Variants in CECR2 observed in about 807,000 individuals in gnomAD.
CECR2 encodes chromatin remodeling regulator CECR2.
A neutral mutation model predicts 154.5 loss-of-function variants in CECR2; 30 were observed. The ratio of observed to expected loss-of-function variants is 0.19; its 90% CI spans 0.15 to 0.26. The LOEUF is 0.26. Ranked by LOEUF, CECR2 falls within the 10% of genes least tolerant of loss-of-function variation. The probability of loss-of-function intolerance (pLI) is 1.00; values close to 1 mark genes in which losing one functional copy is unlikely to be tolerated. For synonymous variants in CECR2, 725 were observed against 683.7 expected, an observed-to-expected ratio of 1.06 and a Z score of -0.94; for missense variants, 1,743 against 1,829.3, an observed-to-expected ratio of 0.95 and a Z score of 0.86.
chr22:17,442,523 G>A (rs1186098224), intron 1 of CECR2, among the ~76,000 whole-genome samples: 3 of 152,288 alleles, frequency 2.0e-5, no homozygotes, highest in African/African-American at 7.2e-5. Flanking sequence ...CTTGCAGTGA[G>A]CTTTGATCAC....
chr22:17,532,563 G>A (rs2056372328), intron 9 of CECR2, among the ~76,000 whole-genome samples: 1 of 151,874 alleles, frequency 6.6e-6, no homozygotes, highest in Non-Finnish European at 1.5e-5. Context: ...TGTATTGTAA[G>A]GATTTAGTGT....
chr22:17,436,520 T>C (rs765060052), intron 1 of CECR2, among the ~76,000 whole-genome samples: 3 of 152,248 alleles, frequency 2.0e-5, no homozygotes, highest in Non-Finnish European at 2.9e-5. Context: ...GTATCCCTTA[T>C]GAATTAACCA....
intron 5 of CECR2, among the ~76,000 whole-genome samples, chr22:17,502,778 A>G (rs2055762407): frequency 6.6e-6 from 1 of 152,214 alleles, no homozygotes; most frequent in Non-Finnish European, 1.5e-5. Flanking sequence ...ACTCCAGCCT[A>G]AGTGACAGGG....
intron 2 of CECR2, among the ~76,000 whole-genome samples, chr22:17,481,578 CAG>C (rs2055319466): frequency 6.6e-6 from 1 of 152,094 alleles, no homozygotes; most frequent in South Asian, 2.1e-4. Context: ...TGTTTTAGAA[CAG>C]GGGCCAGCAA....
At chr22:17,484,811 G>A (rs1480696817) in intron 2 of CECR2, among the ~76,000 whole-genome samples, 1 of 152,174 alleles carries the variant, frequency 6.6e-6, no homozygotes, top group Non-Finnish European at 1.5e-5. Flanking sequence ...CTGGAAGGCA[G>A]AGGTTGCAGT....
At chr22:17,478,782 G>A (rs1192266434) in intron 2 of CECR2, among the ~76,000 whole-genome samples, 1 of 152,182 alleles carries the variant, frequency 6.6e-6, no homozygotes, top group South Asian at 2.1e-4. Context: ...TCTCAGGGTG[G>A]AAGTCTGCAT....
In CECR2 at chr22:17,371,105, G is replaced by A. The variant is rs141953093; in HGVS notation, c.126+1196G>A. Among the ~76,000 whole-genome samples, 46 of 152,260 alleles carry A rather than the reference G, an allele frequency of 3.0e-4. No homozygotes were observed. The East Asian group carries it at 8.3e-3, about 27-fold the overall frequency. On this transcript the variant is annotated intron_variant, in intron 1 of 18. Transcript: ENST00000262608. ...TTGATTTTAACTCGTTTATTTCAGA[G>A]CTCTTTGCCTCACCTTTATTTTTAG...
At chr22:17,383,679 T>TTTTG (rs1162930144) in intron 1 of CECR2, among the ~76,000 whole-genome samples, 32 of 147,714 alleles carry the variant, frequency 2.2e-4, no homozygotes, top group African/African-American at 8.0e-4. Context: ...TTTTTTTTTT[T>TTTTG]GAAGTGGAGT....
At chr22:17,506,364 C>G (rs563764268) in intron 7 of CECR2, among the ~76,000 whole-genome samples, 1 of 151,594 alleles carries the variant, frequency 6.6e-6, no homozygotes, top group East Asian at 2.0e-4. Flanking sequence ...TGGGCTGAAG[C>G]ACTCTTCCTG....
Position 17,468,659 on chromosome 22 carries a change from C to T in CECR2, c.127-8929C>T, listed in dbSNP as rs572874326. Among the ~76,000 whole-genome samples, 195 of 152,162 alleles carry T rather than the reference C, an allele frequency of 1.3e-3. 1 individual carries two copies. Among genetic ancestry groups the T allele is most frequent in the Non-Finnish European group, 2.3e-3 (156 of 67,998 alleles). ...CTGCATTTCAGCCTGAGCGACAGAG[C>T]AAGAACCCTGTCTCTCCAAAAAACC... On this transcript the variant is annotated intron_variant, in intron 1 of 18. Transcript: ENST00000262608.
intron 1 of CECR2, among the ~76,000 whole-genome samples, chr22:17,458,298 C>A (rs2054884977): frequency 6.6e-6 from 1 of 151,802 alleles, no homozygotes; most frequent in Admixed American, 6.6e-5. Flanking sequence ...GCCTGTAATC[C>A]CACCTGCTTG....
chr22:17,437,232 T>C (rs1449405666), intron 1 of CECR2, among the ~76,000 whole-genome samples: 2 of 151,956 alleles, frequency 1.3e-5, no homozygotes, highest in Non-Finnish European at 2.9e-5. Context: ...TTAGATACAT[T>C]CCCCCTCTGC....
rs370124814 is a variant in CECR2 at position 17,552,013 on chromosome 22, T to G, written c.4278-18T>G. On this transcript the variant is annotated intron_variant, in intron 17 of 18. Transcript: ENST00000262608. ...ACGTCTTCATTAATTCTTCATTGCT[T>G]CTTTCTCGTGGCTGTAGAATGCAGA... The G allele has an allele frequency of 2.6e-4, 420 of 1,610,884 alleles. 1 individual carries two copies. The highest frequency in any genetic ancestry group is 3.4e-4 in the Non-Finnish European group (405 of 1,177,218).
At chr22:17,421,688 G>T (rs1221715253) in intron 1 of CECR2, among the ~76,000 whole-genome samples, 1 of 144,670 alleles carries the variant, frequency 6.9e-6, no homozygotes, top group Admixed American at 7.0e-5. Flanking sequence ...AGCTACTCAG[G>T]AGGCTGAGGC....
intron 7 of CECR2, among the ~76,000 whole-genome samples, chr22:17,505,627 A>T (rs1256536913): frequency 7.2e-6 from 1 of 138,776 alleles, no homozygotes; most frequent in Non-Finnish European, 1.5e-5. Flanking sequence ...TCTGCCTTCC[A>T]AGTTCAAGCG....
chr22:17,438,259 G>C (rs1465229481), intron 1 of CECR2, among the ~76,000 whole-genome samples: 1 of 152,168 alleles, frequency 6.6e-6, no homozygotes, highest in Non-Finnish European at 1.5e-5. Context: ...GGCTTATCTT[G>C]TGTTTATTGT....
intron 1 of CECR2, among the ~76,000 whole-genome samples, chr22:17,371,395 G>C (rs1227341212): frequency 6.6e-6 from 1 of 152,120 alleles, no homozygotes; most frequent in South Asian, 2.1e-4. Context: ...TTTACGTGGC[G>C]CCACAGCGTT....
upstream of CECR2, among the ~76,000 whole-genome samples, chr22:17,368,410 G>T (rs1352212341): frequency 6.6e-6 from 1 of 152,196 alleles, no homozygotes; most frequent in African/African-American, 2.4e-5. Context: ...GGCCCTCTGA[G>T]ACCAGCAGGA....
chr22:17,445,593 T>C (rs2401119), intron 1 of CECR2, among the ~76,000 whole-genome samples: 1 of 146,790 alleles, frequency 6.8e-6, no homozygotes, highest in African/African-American at 2.5e-5. Flanking sequence ...TTATTATTAT[T>C]TGAGGCAGAG....
Sources: allele counts gnomAD v4.1 joint callset (sites outside exome capture counted in the v4.1 genomes callset), GRCh38; gene constraint gnomAD v4.1.1; transcripts MANE v1.5; gene names NCBI Gene and HGNC (gene_info 2026-07-23, HGNC 2026-07-21).